Variants in FSHR observed in about 807,000 individuals in gnomAD.
FSHR encodes the protein follicle stimulating hormone receptor, also known as follicle-stimulating hormone receptor.
In FSHR, 46 loss-of-function variants were observed where a neutral mutation model predicts 52.1. The observed-to-expected ratio is 0.88, with a 90% confidence interval of 0.70 to 1.13. The LOEUF (loss-of-function observed/expected upper bound fraction) is 1.13. Ranked by LOEUF, FSHR falls within the 50% of genes most tolerant of loss-of-function variation. The pLI is 0.00. For synonymous variants in FSHR, 399 were observed against 309.6 expected, an observed-to-expected ratio of 1.29 and a Z score of -3.03; for missense variants, 964 against 834.6, an observed-to-expected ratio of 1.16 and a Z score of -1.91.
intron 2 of FSHR, among the ~76,000 whole-genome samples, chr2:49,038,027 C>G (rs1281797898): frequency 6.6e-6 from 1 of 152,060 alleles, no homozygotes; most frequent in South Asian, 2.1e-4. Context: ...AAAAATTAGA[C>G]TGGCAGCTGA....
At chr2:48,986,393 C>CTTTT (rs34394877) in intron 6 of FSHR, among the ~76,000 whole-genome samples, 1,437 of 123,990 alleles carry the variant, frequency 0.012, 62 homozygotes, top group Middle Eastern at 0.018. Flanking sequence ...ATTTGCCATG[C>CTTTT]TTTTTTTTTT....
Position 49,027,571 on chromosome 2 carries a change from C to T in FSHR, c.225-7411G>A, listed in dbSNP as rs765051084. ...AGATGAGAAAATGTGAAGGAAGGGC[C>T]GGGCGCAGTGGCTCACGCCTATAAT... On this transcript the variant is annotated intron_variant, in intron 2 of 9. Transcript: ENST00000406846. 4.6e-5 allele frequency among the ~76,000 whole-genome samples: 7 copies of T among 152,066 alleles called. No homozygotes were observed. In the South Asian group the frequency reaches 6.2e-4, roughly 14 times the overall value.
chr2:49,075,852 C>G (rs904714763), intron 1 of FSHR, among the ~76,000 whole-genome samples: 1 of 152,108 alleles, frequency 6.6e-6, no homozygotes, highest in African/African-American at 2.4e-5. Flanking sequence ...ATTGCCCAGG[C>G]TGGTCTTCAA....
chr2:49,120,402 T>G (rs1315975972), intron 1 of FSHR, among the ~76,000 whole-genome samples: 1 of 152,238 alleles, frequency 6.6e-6, no homozygotes, highest in Non-Finnish European at 1.5e-5. Flanking sequence ...TATGTTTCCC[T>G]GTGGATAATA....
At chr2:49,117,298 C>G (rs1202267909) in intron 1 of FSHR, among the ~76,000 whole-genome samples, 1 of 152,158 alleles carries the variant, frequency 6.6e-6, no homozygotes, top group African/African-American at 2.4e-5. Flanking sequence ...ATCTTTGCAT[C>G]TCTGGTATGT....
At position 49,049,609 on chromosome 2, in the gene FSHR, CT is replaced by C. The variant is rs564509263; in HGVS notation, c.224+18609del. 2.8e-3 allele frequency among the ~76,000 whole-genome samples: 422 copies of C among 152,144 alleles called. 2 individuals are homozygous for C. The highest frequency in any genetic ancestry group is 9.8e-3 in the African/African-American group (408 of 41,486). On this transcript the variant is annotated intron_variant, in intron 2 of 9. Coordinates refer to ENST00000406846, the MANE Select transcript of FSHR (RefSeq NM_000145.4). ...TGACATACATCTTTATTACTATAAG[CT>C]TATTAGCTCACAGTGGGCCTCCTGC...
intron 8 of FSHR, among the ~76,000 whole-genome samples, chr2:48,982,062 A>C (rs1238997750): frequency 6.6e-6 from 1 of 152,120 alleles, no homozygotes; most frequent in Non-Finnish European, 1.5e-5. Flanking sequence ...TAAGTGTAGT[A>C]GGTCTTGCTT....
chr2:49,043,164 CTG>C (rs764379891), intron 2 of FSHR, among the ~76,000 whole-genome samples: 10 of 151,980 alleles, frequency 6.6e-5, no homozygotes, highest in Non-Finnish European at 1.3e-4. Flanking sequence ...TAAGGAAGGA[CTG>C]AGAAATTTTA....
At chr2:49,105,652 A>G (rs981578512) in intron 1 of FSHR, among the ~76,000 whole-genome samples, 1 of 152,156 alleles carries the variant, frequency 6.6e-6, no homozygotes, top group Non-Finnish European at 1.5e-5. Context: ...CCAAAGGCCC[A>G]TCCCAGTCTC....
chr2:49,066,144 C>CTATTAA (rs1669494731), intron 2 of FSHR, among the ~76,000 whole-genome samples: 1 of 152,038 alleles, frequency 6.6e-6, no homozygotes, highest in Non-Finnish European at 1.5e-5. Flanking sequence ...TCTTTCAACA[C>CTATTAA]AGTGGTCTTG....
At position 49,124,522 on chromosome 2, in the gene FSHR, C is replaced by A. The variant is rs143095826; in HGVS notation, c.152+29744G>T. ...CTCCCTGCCTTGTTTCTCCTGTGTTCTTTTCTCAACCTGGGAAACTGTAGC... is the reference window on the plus strand; with the variant it reads ...CTCCCTGCCTTGTTTCTCCTGTGTTATTTTCTCAACCTGGGAAACTGTAGC... On this transcript the variant is annotated intron_variant, in intron 1 of 9. Coordinates refer to ENST00000406846, the MANE Select transcript of FSHR (RefSeq NM_000145.4). 3.7e-4 allele frequency among the ~76,000 whole-genome samples: 56 copies of A among 152,124 alleles called. No homozygotes were observed. The East Asian group carries it at 5.4e-3, about 15-fold the overall frequency.
At chr2:49,126,007 G>A (rs1376147892) in intron 1 of FSHR, among the ~76,000 whole-genome samples, 3 of 152,182 alleles carry the variant, frequency 2.0e-5, no homozygotes, top group Non-Finnish European at 4.4e-5. Context: ...ATCATAACAA[G>A]CCAGAAGAAA....
intron 8 of FSHR, among the ~76,000 whole-genome samples, chr2:48,976,173 T>C (rs1314460952): frequency 6.6e-6 from 1 of 152,186 alleles, no homozygotes; most frequent in East Asian, 1.9e-4. Context: ...AATACCTAGA[T>C]TATTGAGACT....
chr2:49,025,851 C>A (rs1558397869), intron 2 of FSHR, among the ~76,000 whole-genome samples: 1 of 152,212 alleles, frequency 6.6e-6, no homozygotes, highest in Non-Finnish European at 1.5e-5. Flanking sequence ...GGTCTGCTGA[C>A]CGCATAAAGG....
intron 2 of FSHR, among the ~76,000 whole-genome samples, chr2:49,021,875 A>ATATATGTATG (rs1553334899): frequency 4.9e-4 from 25 of 51,102 alleles, no homozygotes; most frequent in African/African-American, 1.7e-3. Flanking sequence ...ATATATATAT[A>ATATATGTATG]TATATATATA....
At chr2:49,088,792 A>G (rs2103683358) in intron 1 of FSHR, among the ~76,000 whole-genome samples, 1 of 152,322 alleles carries the variant, frequency 6.6e-6, no homozygotes, top group Non-Finnish European at 1.5e-5. Context: ...TGGCTGACTG[A>G]CAGTCACTGA....
intron 6 of FSHR, among the ~76,000 whole-genome samples, chr2:48,986,123 CCTCT>C (rs779274305): frequency 1.1e-4 from 16 of 152,194 alleles, no homozygotes; most frequent in Non-Finnish European, 2.1e-4. Flanking sequence ...TTTTTGTGAT[CCTCT>C]CTCTCCTCCC....
chr2:49,128,266 G>T (rs1672138451), intron 1 of FSHR, among the ~76,000 whole-genome samples: 1 of 152,018 alleles, frequency 6.6e-6, no homozygotes, highest in Admixed American at 6.6e-5. Flanking sequence ...ACAGACACTT[G>T]TTGAATAAAT....
chr2:48,982,850 G>A (rs772257391), intron 8 of FSHR, 62 bp downstream of exon 8: 8 of 1,375,654 alleles, frequency 5.8e-6, no homozygotes, highest in Non-Finnish European at 7.3e-6. Flanking sequence ...TAGCTGCAGA[G>A]AGTTGACTTC....
Sources: gnomAD v4.1 joint callset for allele counts (sites outside exome capture counted in the v4.1 genomes callset) on GRCh38, gnomAD v4.1.1 for gene constraint, MANE v1.5 for transcripts, NCBI Gene and HGNC (gene_info 2026-07-23, HGNC 2026-07-21) for gene names.